FHIT: variants seen among roughly 807,000 people sequenced by gnomAD.
FHIT encodes the protein fragile histidine triad diadenosine triphosphatase.
A neutral mutation model predicts 17.9 loss-of-function variants in FHIT; 19 were observed. The observed-to-expected ratio is 1.06, with a 90% CI of 0.74 to 1.56. The LOEUF (loss-of-function observed/expected upper bound fraction) is 1.56. Among genes scored for constraint, FHIT ranks in the 40% most tolerant of loss-of-function variants. FHIT has a pLI of 0.00. For missense variants in FHIT, 248 were observed against 189.2 expected, an observed-to-expected ratio of 1.31 and a Z score of -1.82; for synonymous variants, 81 against 69.7, an observed-to-expected ratio of 1.16 and a Z score of -0.81.
intron 5 of FHIT, among the ~76,000 whole-genome samples, chr3:60,055,834 C>T (rs918082210): frequency 6.6e-6 from 1 of 152,142 alleles, no homozygotes; most frequent in Non-Finnish European, 1.5e-5. Context: ...TACACTCACT[C>T]CCCACTCCCA....
chr3:59,911,848 C>T (rs929928892), intron 8 of FHIT, among the ~76,000 whole-genome samples: 4 of 152,132 alleles, frequency 2.6e-5, no homozygotes, highest in Admixed American at 6.6e-5. Flanking sequence ...GGGGAAGTGC[C>T]AGGTTCAGCT....
At chr3:59,994,428 G>C (rs1174288836) in intron 7 of FHIT, among the ~76,000 whole-genome samples, 5 of 152,030 alleles carry the variant, frequency 3.3e-5, no homozygotes, top group Admixed American at 2.6e-4. Flanking sequence ...CACCATTTCT[G>C]CCAAAGAACT....
In FHIT at chr3:60,461,597, C is replaced by T. The variant is rs557968275; in HGVS notation, c.103+75263G>A. Among the ~76,000 whole-genome samples, 18 of 152,308 alleles carry T rather than the reference C, an allele frequency of 1.2e-4. No individual in the cohort carries two copies. In the South Asian group the frequency reaches 3.7e-3, roughly 32 times the overall value. On this transcript the variant is annotated intron_variant, in intron 5 of 9. Transcript: ENST00000492590. Reference sequence around the variant, plus strand: ...GTACAGACAACGCAGCTGTCCCTGACATCACCACTTGAAATTATTCCCTAT... The same window carrying T: ...GTACAGACAACGCAGCTGTCCCTGATATCACCACTTGAAATTATTCCCTAT...
chr3:60,879,912 CA>C (rs1422866442), intron 3 of FHIT, among the ~76,000 whole-genome samples: 1 of 150,256 alleles, frequency 6.7e-6, no homozygotes, highest in Non-Finnish European at 1.5e-5. Context: ...ATTAAGTGAA[CA>C]AATTTTCATA....
At chr3:60,118,911 C>T (rs1177502104) in intron 5 of FHIT, among the ~76,000 whole-genome samples, 1 of 150,336 alleles carries the variant, frequency 6.7e-6, no homozygotes, top group Non-Finnish European at 1.5e-5. Context: ...ATCCCAGCTA[C>T]TAGGGAGGCT....
intron 3 of FHIT, among the ~76,000 whole-genome samples, chr3:60,873,638 G>A (rs538895915): frequency 6.6e-6 from 1 of 152,316 alleles, no homozygotes; most frequent in African/African-American, 2.4e-5. Flanking sequence ...TGGCCTACAG[G>A]ATGGGAAATT....
At chr3:61,029,609 A>G (rs2032911845) in intron 3 of FHIT, among the ~76,000 whole-genome samples, 1 of 152,222 alleles carries the variant, frequency 6.6e-6, no homozygotes, top group Admixed American at 6.5e-5. Flanking sequence ...GTCATACAAA[A>G]AAACAGCATT....
intron 7 of FHIT, among the ~76,000 whole-genome samples, chr3:59,935,993 G>A (rs1706218765): frequency 6.6e-6 from 1 of 152,116 alleles, no homozygotes. Context: ...CAAAATGTAA[G>A]TTTGAAGTTC....
chr3:60,438,175 T>C (rs193282114), intron 5 of FHIT, among the ~76,000 whole-genome samples: 1 of 152,154 alleles, frequency 6.6e-6, no homozygotes, highest in African/African-American at 2.4e-5. Context: ...CTATCTCCAG[T>C]AGGGAACTTC....
intron 4 of FHIT, among the ~76,000 whole-genome samples, chr3:60,716,905 A>C (rs1553706954): frequency 6.6e-6 from 1 of 152,188 alleles, no homozygotes; most frequent in African/African-American, 2.4e-5. Flanking sequence ...GCAGTCTGTC[A>C]TTGACCAGAC....
At chr3:60,222,218 T>G (rs967266775) in intron 5 of FHIT, among the ~76,000 whole-genome samples, 136 of 134,478 alleles carry the variant, frequency 1.0e-3, no homozygotes, top group Admixed American at 3.6e-3. Context: ...ATTCATGCAT[T>G]CATTCATTCA....
At chr3:59,828,400 G>C (rs1169148378) in intron 8 of FHIT, among the ~76,000 whole-genome samples, 1 of 152,132 alleles carries the variant, frequency 6.6e-6, no homozygotes, top group African/African-American at 2.4e-5. Context: ...TATAATTTTG[G>C]TTTTCTGCTA....
At chr3:60,652,509 G>A (rs892933009) in intron 4 of FHIT, among the ~76,000 whole-genome samples, 2 of 152,018 alleles carry the variant, frequency 1.3e-5, no homozygotes, top group Non-Finnish European at 2.9e-5. Flanking sequence ...CCAGGAGGGC[G>A]GATCATGAGG....
chr3:59,886,605 C>T (rs1187861080), intron 8 of FHIT, among the ~76,000 whole-genome samples: 2 of 152,118 alleles, frequency 1.3e-5, no homozygotes, highest in Admixed American at 6.5e-5. Flanking sequence ...AGAGGCACCA[C>T]ACTCTTTTTA....
At chr3:60,382,122 T>G (rs1327211431) in intron 5 of FHIT, among the ~76,000 whole-genome samples, 1 of 152,206 alleles carries the variant, frequency 6.6e-6, no homozygotes, top group Non-Finnish European at 1.5e-5. Context: ...GACCAGGGTT[T>G]AAATCAAGAC....
intron 5 of FHIT, among the ~76,000 whole-genome samples, chr3:60,282,453 G>C (rs1027443147): frequency 1.3e-5 from 2 of 152,078 alleles, no homozygotes; most frequent in East Asian, 1.9e-4. Flanking sequence ...TAGTTTCTTA[G>C]GGCAATGTAG....
chr3:59,969,683 C>T (rs1447354502), intron 7 of FHIT, among the ~76,000 whole-genome samples: 3 of 152,066 alleles, frequency 2.0e-5, no homozygotes, highest in African/African-American at 7.2e-5. Flanking sequence ...GTTAAGTTCA[C>T]CTAAGGATAT....
At chr3:60,398,801 A>G (rs1256140877) in intron 5 of FHIT, among the ~76,000 whole-genome samples, 1 of 152,160 alleles carries the variant, frequency 6.6e-6, no homozygotes, top group African/African-American at 2.4e-5. Context: ...AAAATAATAT[A>G]TATACCACAT....
At chr3:60,806,965 C>T (rs538100375) in intron 4 of FHIT, among the ~76,000 whole-genome samples, 6 of 152,156 alleles carry the variant, frequency 3.9e-5, no homozygotes, top group African/African-American at 1.4e-4. Context: ...CAGAAACATC[C>T]CACACCTCCA....
Sources: allele counts gnomAD v4.1 joint callset (sites outside exome capture counted in the v4.1 genomes callset), GRCh38; gene constraint gnomAD v4.1.1; transcripts MANE v1.5; gene names NCBI Gene and HGNC (gene_info 2026-07-23, HGNC 2026-07-21).